RAD51B: variants seen among roughly 807,000 people sequenced by gnomAD.
The protein encoded by RAD51B is RAD51 paralog B.
RAD51B carries 38 observed loss-of-function variants against 42.2 expected under a neutral mutation model. The observed-to-expected ratio is 0.90, with a 90% CI of 0.70 to 1.18. The LOEUF (loss-of-function observed/expected upper bound fraction) is 1.18, where lower values mean the gene tolerates loss of function less well. Among genes scored for constraint, RAD51B ranks in the 50% most tolerant of loss-of-function variants. RAD51B has a pLI of 0.00. For missense variants in RAD51B, 373 were observed against 400.7 expected, an observed-to-expected ratio of 0.93 and a Z score of 0.59; for synonymous variants, 154 against 145.2, an observed-to-expected ratio of 1.06 and a Z score of -0.43.
intron 8 of RAD51B, among the ~76,000 whole-genome samples, chr14:68,296,679 A>G (rs539373171): frequency 6.6e-6 from 1 of 152,324 alleles, no homozygotes; most frequent in East Asian, 1.9e-4. Context: ...GATTGAAGCT[A>G]TAGACCATTG....
intron 8 of RAD51B, among the ~76,000 whole-genome samples, chr14:68,380,128 C>T (rs2083451767): frequency 1.3e-5 from 2 of 152,202 alleles, no homozygotes; most frequent in African/African-American, 4.8e-5. Flanking sequence ...CTCAAAGCAT[C>T]CGGGTTCTGG....
Position 68,168,562 on chromosome 14 carries a change from A to G in RAD51B, c.757-123322A>G, listed in dbSNP as rs554868533. On this transcript the variant is annotated intron_variant, in intron 7 of 10. Transcript: ENST00000471583. ...GAAAATCTAATCATATCATCTAAAT[A>G]TCATTAAGTAATAATAGGCTGATTG... Among the ~76,000 whole-genome samples, 124 of 152,280 alleles carry G rather than the reference A, an allele frequency of 8.1e-4. 1 individual carries two copies. Among genetic ancestry groups the G allele is most frequent in the Middle Eastern group, 3.4e-3 (1 of 294 alleles).
intron 10 of RAD51B, among the ~76,000 whole-genome samples, chr14:68,526,889 C>T (rs575011015): frequency 8.0e-4 from 122 of 152,312 alleles, no homozygotes; most frequent in African/African-American, 2.8e-3. Flanking sequence ...CGGGACACTG[C>T]TTGCTTTGGA....
intron 8 of RAD51B, among the ~76,000 whole-genome samples, chr14:68,407,935 A>G (rs2084320366): frequency 6.6e-6 from 1 of 152,160 alleles, no homozygotes. Context: ...AATTCTCTGA[A>G]GACACTTGGG....
intron 7 of RAD51B, among the ~76,000 whole-genome samples, chr14:68,258,452 C>A (rs1484269867): frequency 2.0e-5 from 3 of 152,080 alleles, no homozygotes; most frequent in African/African-American, 4.8e-5. Context: ...CTCACACACA[C>A]ACACACAATT....
At chr14:68,062,779 A>T (rs1177789207) in intron 7 of RAD51B, among the ~76,000 whole-genome samples, 1 of 149,266 alleles carries the variant, frequency 6.7e-6, no homozygotes, top group Non-Finnish European at 1.5e-5. Context: ...ACTGCACTCC[A>T]GCCTGCCAGC....
chr14:67,855,465 C>T (rs537255258), intron 4 of RAD51B, among the ~76,000 whole-genome samples: 1 of 151,300 alleles, frequency 6.6e-6, no homozygotes, highest in African/African-American at 2.4e-5. Context: ...TGGTCTGGAT[C>T]TCCTGACCTC....
At chr14:67,935,221 C>T (rs1437987891) in intron 7 of RAD51B, among the ~76,000 whole-genome samples, 1 of 152,006 alleles carries the variant, frequency 6.6e-6, no homozygotes, top group Non-Finnish European at 1.5e-5. Flanking sequence ...GAAAGACCAT[C>T]CTTTAAGATT....
chr14:68,180,337 T>C (rs2079038889), intron 7 of RAD51B, among the ~76,000 whole-genome samples: 1 of 152,178 alleles, frequency 6.6e-6, no homozygotes, highest in Admixed American at 6.5e-5. Context: ...TGGCTCAGTT[T>C]GTTCTAGCTA....
intron 7 of RAD51B, among the ~76,000 whole-genome samples, chr14:68,097,032 T>G (rs1466155088): frequency 1.3e-5 from 2 of 152,220 alleles, no homozygotes; most frequent in Non-Finnish European, 2.9e-5. Context: ...AAGTATCACA[T>G]GTATACATCC....
At chr14:68,423,165 T>C (rs1566874780) in intron 9 of RAD51B, among the ~76,000 whole-genome samples, 2 of 152,196 alleles carry the variant, frequency 1.3e-5, no homozygotes, top group Non-Finnish European at 2.9e-5. Context: ...CAACTCAGAA[T>C]TGGCAATGAA....
chr14:68,512,500 T>C (rs1885797946), intron 10 of RAD51B, among the ~76,000 whole-genome samples: 1 of 152,228 alleles, frequency 6.6e-6, no homozygotes, highest in Admixed American at 6.5e-5. Flanking sequence ...CCAGCAAATC[T>C]CTTTGTTTCT....
At chr14:68,648,132 CGTAT>C (rs1476936823) in intron 10 of RAD51B, among the ~76,000 whole-genome samples, 2 of 96,760 alleles carry the variant, frequency 2.1e-5, no homozygotes, top group African/African-American at 8.4e-5. Flanking sequence ...TATACACACA[CGTAT>C]ATATATATAT....
chr14:68,073,813 G>T (rs1283668032), intron 7 of RAD51B, among the ~76,000 whole-genome samples: 1 of 152,088 alleles, frequency 6.6e-6, no homozygotes, highest in African/African-American at 2.4e-5. Context: ...GAAATTCTTG[G>T]TTTCAATTTA....
At position 68,277,717 on chromosome 14, in the gene RAD51B, A is replaced by G. The variant is rs115572494; in HGVS notation, c.757-14167A>G. 2.7e-3 allele frequency among the ~76,000 whole-genome samples: 414 copies of G among 152,244 alleles called. 2 individuals carry two copies. The highest frequency in any genetic ancestry group is 9.5e-3 in the African/African-American group (394 of 41,538). ...AAGGCTACATCTTGCCACAGGTGAG[A>G]ATCAGAGGTATGTTCTGGGGGTTTT... is the stretch of plus-strand genomic sequence containing the variant. On this transcript the variant is annotated intron_variant, in intron 7 of 10. Transcript: ENST00000471583.
chr14:67,948,931 CAAAAA>C (rs59465805), intron 7 of RAD51B, among the ~76,000 whole-genome samples: 5 of 17,068 alleles, frequency 2.9e-4, no homozygotes, highest in Admixed American at 1.5e-3. Context: ...GACTCTGTCT[CAAAAA>C]AAAAAAAAAA....
At chr14:68,250,165 T>C (rs915101922) in intron 7 of RAD51B, among the ~76,000 whole-genome samples, 1 of 152,272 alleles carries the variant, frequency 6.6e-6, no homozygotes, top group Non-Finnish European at 1.5e-5. Flanking sequence ...TTCTGAATTA[T>C]TTATTTAAGA....
chr14:67,887,554 A>C (rs1414605160), intron 7 of RAD51B: 1 of 170,010 alleles, frequency 5.9e-6, no homozygotes, highest in Non-Finnish European at 1.3e-5. Context: ...AAACTTCATG[A>C]AATTGCCTAG....
intron 7 of RAD51B, among the ~76,000 whole-genome samples, chr14:68,009,118 G>A (rs1460871921): frequency 6.6e-6 from 1 of 151,956 alleles, no homozygotes; most frequent in Non-Finnish European, 1.5e-5. Flanking sequence ...TTGTAATGGA[G>A]TTTTAATATT....
Sources: allele counts gnomAD v4.1 joint callset (sites outside exome capture counted in the v4.1 genomes callset), GRCh38; gene constraint gnomAD v4.1.1; transcripts MANE v1.5; gene names NCBI Gene and HGNC (gene_info 2026-07-23, HGNC 2026-07-21).